Variants in STAU1 observed in about 807,000 individuals in gnomAD.
The protein encoded by STAU1 is double-stranded RNA-binding protein Staufen homolog 1.
In STAU1, 13 loss-of-function variants were observed where a neutral mutation model predicts 62.9. That is an observed-to-expected ratio of 0.21 (90% CI 0.13 to 0.33). The LOEUF is 0.33. Among genes scored for constraint, STAU1 ranks in the 10% least tolerant of loss-of-function variants. The pLI is 1.00. For missense variants in STAU1, 571 were observed against 712.1 expected (o/e 0.80, Z 2.25); for synonymous variants, 269 against 265.1 (o/e 1.01, Z -0.14).
chr20:49,167,483 A>G (rs1425243979), intron 2 of STAU1, among the ~76,000 whole-genome samples: 3 of 152,216 alleles, frequency 2.0e-5, no homozygotes, highest in Admixed American at 1.3e-4. Flanking sequence ...AAGAAACTCA[A>G]GCGAAATGTG....
At chr20:49,201,272 G>C in the STAU1 span, among the ~76,000 whole-genome samples, 1 of 152,076 alleles carries the variant, frequency 6.6e-6, no homozygotes, top group Admixed American at 6.6e-5. Context: ...GGATGTCTGA[G>C]GATACGAGGA....
chr20:49,175,625 G>C (rs1291243132), intron 1 of STAU1, among the ~76,000 whole-genome samples: 1 of 151,292 alleles, frequency 6.6e-6, no homozygotes, highest in African/African-American at 2.4e-5. Flanking sequence ...GGTTACAGGT[G>C]CCCGCTACCA....
the STAU1 span, among the ~76,000 whole-genome samples, chr20:49,194,429 C>CA: frequency 0.027 from 2,221 of 80,950 alleles, 51 homozygotes; most frequent in African/African-American, 0.064. Context: ...AACTCCGTCT[C>CA]AAAAAAAAAA....
intron 13 of STAU1, among the ~76,000 whole-genome samples, chr20:49,115,241 T>C (rs188151996): frequency 1.2e-4 from 19 of 152,162 alleles, no homozygotes; most frequent in African/African-American, 4.1e-4. Flanking sequence ...GAGGGGAAGA[T>C]TGTACCTTGT....
At chr20:49,187,555 C>T (rs936643724) in intron 1 of STAU1, among the ~76,000 whole-genome samples, 1 of 152,172 alleles carries the variant, frequency 6.6e-6, no homozygotes, top group Non-Finnish European at 1.5e-5. Context: ...CTGATAAGCG[C>T]TTTACACGCC....
chr20:49,123,437 G>C (rs2092516136), intron 7 of STAU1, among the ~76,000 whole-genome samples: 1 of 152,070 alleles, frequency 6.6e-6, no homozygotes, highest in South Asian at 2.1e-4. Context: ...TAAGGTCTTA[G>C]CAAACCAACA....
At chr20:49,152,958 A>C (rs1031746321) in intron 4 of STAU1, among the ~76,000 whole-genome samples, 2 of 152,166 alleles carry the variant, frequency 1.3e-5, no homozygotes, top group African/African-American at 4.8e-5. Flanking sequence ...GTAGTTAAAG[A>C]AGCACAAAGG....
intron 8 of STAU1, among the ~76,000 whole-genome samples, 166 bp downstream of exon 8, chr20:49,122,918 AAAATAAAT>A (rs3091755): frequency 0.81 from 120,878 of 148,416 alleles, 49,810 homozygotes; most frequent in African/African-American, 0.88. Context: ...CTCCATCTCA[AAAATAAAT>A]AAATAAATAA....
chr20:49,138,099 T>C (rs1445475482), intron 5 of STAU1, among the ~76,000 whole-genome samples: 5 of 152,058 alleles, frequency 3.3e-5, no homozygotes, highest in East Asian at 1.9e-4. Context: ...GTGGGCAACA[T>C]GGCAAAACCC....
intron 5 of STAU1, among the ~76,000 whole-genome samples, chr20:49,151,256 C>A (rs2093242748): frequency 6.6e-6 from 1 of 152,186 alleles, no homozygotes; most frequent in Non-Finnish European, 1.5e-5. Flanking sequence ...CAAGCATAAT[C>A]TTGAGCACCG....
At chr20:49,154,238 C>T (rs2093318687) in intron 3 of STAU1, among the ~76,000 whole-genome samples, 167 bp from the exon 4 acceptor site, 1 of 152,164 alleles carries the variant, frequency 6.6e-6, no homozygotes, top group Non-Finnish European at 1.5e-5. Flanking sequence ...CAAGAATATG[C>T]TGTGATTTCT....
chr20:49,136,344 A>G (rs1394527136), intron 5 of STAU1, among the ~76,000 whole-genome samples: 4 of 152,126 alleles, frequency 2.6e-5, no homozygotes, highest in Non-Finnish European at 1.5e-5. Flanking sequence ...GCAATGGTAA[A>G]CCTTAAAAGC....
At chr20:49,209,613 G>C in the STAU1 span, among the ~76,000 whole-genome samples, 19 of 152,126 alleles carry the variant, frequency 1.2e-4, no homozygotes, top group South Asian at 6.2e-4. Context: ...GCAGGGTGTC[G>C]GATGCCTGTA....
Position 49,117,994 on chromosome 20 carries a change from C to T in STAU1, c.1292G>A (p.Ser431Asn), listed in dbSNP as rs780480907. ...AAAATCTTTGGTGTGATGTCCTTGA[C>T]TAACTCCTACAGCCTGGGCGACCTC... Reference protein sequence around the residue: ...VPEVAQAVGVSQGHHTKDFTR... With the variant: ...VPEVAQAVGVNQGHHTKDFTR... The change falls in exon 11 of 14, where the codon AGT (serine) becomes AAT (asparagine). Residue 431 changes from serine to asparagine, a missense_variant. Coordinates refer to ENST00000371856, the MANE Select transcript of STAU1 (RefSeq NM_017453.4). This position sits in a 1 kb window ranked among gnomAD's most constrained non-coding sequence, Gnocchi z 4.6. The T allele has an allele frequency of 6.2e-7, 1 of 1,614,202 alleles. No individual in the cohort carries two copies. The highest frequency in any genetic ancestry group is 1.1e-5 in the South Asian group (1 of 91,082).
At chr20:49,174,513 A>G (rs1022956000) in intron 1 of STAU1, among the ~76,000 whole-genome samples, 2 of 151,978 alleles carry the variant, frequency 1.3e-5, no homozygotes, top group Non-Finnish European at 2.9e-5. Context: ...TGAGACCCGG[A>G]GTTCAAGACC....
intron 5 of STAU1, among the ~76,000 whole-genome samples, chr20:49,146,914 T>TC (rs963127859): frequency 5.3e-5 from 8 of 152,072 alleles, no homozygotes; most frequent in Non-Finnish European, 8.8e-5. Flanking sequence ...CCCCCGTTTT[T>TC]CTCTATTACA....
chr20:49,134,852 G>A, intron 6 of STAU1: 2 of 1,563,360 alleles, frequency 1.3e-6, no homozygotes, highest in Non-Finnish European at 1.8e-6. Context: ...AAACAAACAG[G>A]AAGATGAAGT....
intron 1 of STAU1, among the ~76,000 whole-genome samples, chr20:49,186,083 A>C (rs2093783163): frequency 6.6e-6 from 1 of 152,092 alleles, no homozygotes; most frequent in Non-Finnish European, 1.5e-5. Context: ...TACAGGCGTG[A>C]GCCACCGCGC....
At chr20:49,158,609 A>C in intron 3 of STAU1, 1 of 858,218 alleles carries the variant, frequency 1.2e-6, no homozygotes, top group Non-Finnish European at 1.7e-6. Context: ...CAGGAGTTCG[A>C]GACCAGCCTG....
Sources: gnomAD v4.1 joint callset for allele counts (sites outside exome capture counted in the v4.1 genomes callset) on GRCh38, gnomAD v4.1.1 for gene constraint, Gnocchi (gnomAD v3.1) non-coding constraint, MANE v1.5 for transcripts, NCBI Gene and HGNC (gene_info 2026-07-23, HGNC 2026-07-21) for gene names.